The following DPP6 variants were observed in gnomAD, a reference collection of about 807,000 sequenced individuals.
DPP6 encodes dipeptidyl peptidase like 6.
A neutral mutation model predicts 122.6 loss-of-function variants in DPP6; 69 were observed. The observed-to-expected ratio is 0.56, with a 90% confidence interval of 0.46 to 0.69. The LOEUF is 0.69. Ranked by LOEUF, DPP6 falls within the 30% of genes least tolerant of loss-of-function variation. DPP6 has a pLI of 0.00. For missense variants in DPP6, 928 were observed against 1,116.9 expected (o/e 0.83, Z 2.41); for synonymous variants, 418 against 433.1 (o/e 0.97, Z 0.43).
intron 4 of DPP6, among the ~76,000 whole-genome samples, chr7:154,542,568 G>T (rs140823863): frequency 1.3e-5 from 2 of 152,272 alleles, no homozygotes; most frequent in African/African-American, 4.8e-5. Flanking sequence ...TAGCCAAGTC[G>T]CCTTTAATAA....
intron 1 of DPP6, among the ~76,000 whole-genome samples, chr7:154,137,658 T>TGGGGGGGGGGGGGGGGGGGGGGGGG (rs1163077821): frequency 2.1e-5 from 1 of 48,384 alleles, no homozygotes; most frequent in Non-Finnish European, 4.2e-5. Context: ...GGTGGGGGGG[T>TGGGGGGGGGGGGGGGGGGGGGGGGG]GGGGGGGGTG....
intron 1 of DPP6, among the ~76,000 whole-genome samples, chr7:154,279,483 C>T (rs540036782): frequency 3.3e-5 from 5 of 152,306 alleles, no homozygotes; most frequent in African/African-American, 4.8e-5. Flanking sequence ...GCCTTGGAAG[C>T]GTGTCACTTG....
At chr7:154,868,391 C>T (rs1584937980) in intron 18 of DPP6, among the ~76,000 whole-genome samples, 1 of 152,226 alleles carries the variant, frequency 6.6e-6, no homozygotes, top group South Asian at 2.1e-4. Context: ...TGTCAAGACA[C>T]CGTCCAGAAA....
chr7:154,640,934 T>A (rs1460045659), intron 6 of DPP6, among the ~76,000 whole-genome samples: 1 of 152,180 alleles, frequency 6.6e-6, no homozygotes, highest in Non-Finnish European at 1.5e-5. Flanking sequence ...ATCTTCAGGA[T>A]GGTTTTGTCA....
intron 5 of DPP6, among the ~76,000 whole-genome samples, chr7:154,632,516 C>G (rs910027371): frequency 1.3e-5 from 2 of 152,156 alleles, no homozygotes; most frequent in African/African-American, 4.8e-5. Flanking sequence ...GAGCTACCAA[C>G]TGAGATAGGG....
At chr7:154,494,557 TC>T (rs2151392771) in intron 3 of DPP6, among the ~76,000 whole-genome samples, 1 of 152,128 alleles carries the variant, frequency 6.6e-6, no homozygotes, top group South Asian at 2.1e-4. Flanking sequence ...AATTTTTGTT[TC>T]TTTCTATATT....
chr7:154,563,270 G>A (rs906215993), intron 4 of DPP6, among the ~76,000 whole-genome samples: 8 of 152,210 alleles, frequency 5.3e-5, no homozygotes, highest in Non-Finnish European at 7.3e-5. Context: ...AGAGACTGGC[G>A]TGGCTGCAGT....
chr7:154,758,529 G>A (rs966705604), intron 8 of DPP6, among the ~76,000 whole-genome samples: 6 of 151,828 alleles, frequency 4.0e-5, no homozygotes, highest in Admixed American at 1.3e-4. Context: ...GCACCGCCAC[G>A]TCCAGCTAAT....
chr7:153,961,737 G>C (rs1000077034), intron 1 of DPP6, among the ~76,000 whole-genome samples: 11 of 142,962 alleles, frequency 7.7e-5, no homozygotes, highest in Non-Finnish European at 1.3e-4. Context: ...GTCGCATCTG[G>C]GGATGATGGG....
intron 1 of DPP6, among the ~76,000 whole-genome samples, chr7:154,228,680 T>C (rs1000870686): frequency 6.7e-6 from 1 of 149,740 alleles, no homozygotes; most frequent in Non-Finnish European, 1.5e-5. Context: ...ATAATATATA[T>C]AAGGGAACTT....
intron 18 of DPP6, among the ~76,000 whole-genome samples, chr7:154,869,011 C>G (rs1377376588): frequency 6.6e-6 from 1 of 152,190 alleles, no homozygotes; most frequent in East Asian, 1.9e-4. Context: ...AACGGGTTTC[C>G]CTCCTGTGCA....
At chr7:154,157,755 G>T (rs1459740201) in intron 1 of DPP6, among the ~76,000 whole-genome samples, 1 of 151,974 alleles carries the variant, frequency 6.6e-6, no homozygotes, top group Non-Finnish European at 1.5e-5. Context: ...CCAACATGGA[G>T]AAACTCCGTC....
intron 16 of DPP6, among the ~76,000 whole-genome samples, chr7:154,850,036 T>C (rs1361014202): frequency 6.6e-6 from 1 of 152,210 alleles, no homozygotes; most frequent in Non-Finnish European, 1.5e-5. Flanking sequence ...TGATCCTTTT[T>C]AAAAAAATTG....
At chr7:153,866,823 T>C in the DPP6 span, among the ~76,000 whole-genome samples, 1 of 152,198 alleles carries the variant, frequency 6.6e-6, no homozygotes, top group Non-Finnish European at 1.5e-5. Context: ...AATTAATTTT[T>C]GTATAAGGTG....
At position 154,348,289 on chromosome 7, in the gene DPP6, T is replaced by C. The variant is rs145240142; in HGVS notation, c.244-97925T>C. Among the ~76,000 whole-genome samples, 187 of 152,368 alleles carry C rather than the reference T, an allele frequency of 1.2e-3. 1 individual carries two copies. The highest frequency in any genetic ancestry group is 4.2e-3 in the African/African-American group (175 of 41,588). ...AATAGAGAGGTTTTCGTTACTTAAG[T>C]GGCAGACTTACTGACAGTTCAGTTA... is the stretch of plus-strand genomic sequence containing the variant. On this transcript the variant is annotated intron_variant, in intron 1 of 25. Transcript: ENST00000377770.
chr7:154,550,652 GACATA>G (rs560864906), intron 4 of DPP6, among the ~76,000 whole-genome samples: 82 of 151,688 alleles, frequency 5.4e-4, no homozygotes, highest in African/African-American at 1.9e-3. Flanking sequence ...GTACCAGGTA[GACATA>G]ACATATAATA....
At chr7:154,111,639 G>A (rs1422035638) in intron 1 of DPP6, among the ~76,000 whole-genome samples, 9 of 150,424 alleles carry the variant, frequency 6.0e-5, no homozygotes, top group Non-Finnish European at 1.2e-4. Flanking sequence ...GTGTGTGTGT[G>A]TGTGTGTGTG....
intron 1 of DPP6, among the ~76,000 whole-genome samples, chr7:153,994,508 A>T (rs1797337829): frequency 6.6e-6 from 1 of 152,124 alleles, no homozygotes; most frequent in African/African-American, 2.4e-5. Flanking sequence ...GTCTAGAAAG[A>T]GCCATCCATC....
intron 6 of DPP6, among the ~76,000 whole-genome samples, chr7:154,646,823 T>G (rs1836515432): frequency 6.6e-6 from 1 of 152,138 alleles, no homozygotes; most frequent in Non-Finnish European, 1.5e-5. Context: ...GGTCTTATGC[T>G]CTTTCCAGGT....
Sources: gnomAD v4.1 joint callset for allele counts (sites outside exome capture counted in the v4.1 genomes callset) on GRCh38, gnomAD v4.1.1 for gene constraint, MANE v1.5 for transcripts, NCBI Gene and HGNC (gene_info 2026-07-23, HGNC 2026-07-21) for gene names.